ADAMTS20: variants seen among roughly 807,000 people sequenced by gnomAD.
ADAMTS20 encodes the protein ADAM metallopeptidase with thrombospondin type 1 motif 20.
A neutral mutation model predicts 260.1 loss-of-function variants in ADAMTS20; 225 were observed. The ratio of observed to expected loss-of-function variants is 0.87; its 90% CI spans 0.78 to 0.97. The LOEUF is 0.97. Ranked by LOEUF, ADAMTS20 falls within the 50% of genes least tolerant of loss-of-function variation. The pLI, the probability that ADAMTS20 is intolerant of heterozygous loss-of-function variation, is 0.00. For missense variants in ADAMTS20, 2,400 were observed against 2,337.7 expected (o/e 1.03, Z -0.55); for synonymous variants, 802 against 769.5 (o/e 1.04, Z -0.70).
In ADAMTS20 at chr12:43,468,552, G is replaced by A. The variant is rs896551393; in HGVS notation, c.1223+48C>T. 5 of 1,158,190 alleles carry A rather than the reference G, an allele frequency of 4.3e-6. No homozygotes were observed. In the African/African-American group the frequency reaches 6.2e-5, roughly 14 times the overall value. 71.7% of individuals were successfully genotyped at this position (1,158,190 alleles called of 1,614,324 possible). A position where few individuals can be genotyped will look rare whatever the true frequency, so the allele number is the denominator to read the frequency against. On this transcript the variant is annotated intron_variant, in intron 8 of 38. Transcript: ENST00000389420. ...GAAGATAGAATTTCAGGCATTCTGT[G>A]CAAAGATAAATAGAATGCACATTAA...
downstream of ADAMTS20, among the ~76,000 whole-genome samples, chr12:43,353,124 C>T (rs999986697): frequency 3.3e-5 from 5 of 151,698 alleles, no homozygotes; most frequent in South Asian, 4.2e-4. Context: ...GTCTACATGT[C>T]TTTCAAAAGT....
chr12:43,425,402 T>A, intron 28 of ADAMTS20, 112 bp downstream of exon 28: 1 of 970,790 alleles, frequency 1.0e-6, no homozygotes, highest in South Asian at 3.0e-5. Context: ...ATCTTGCACA[T>A]GTACCCCTGA....
rs868180674 is a variant in ADAMTS20 at position 43,468,976 on chromosome 12, A to T, written c.1118-271T>A. ...ACAACTTTTTAAATATTTTTAAAAA[A>T]TTTTTAAAAAGAAAAGAATATTTGC... is the stretch of plus-strand genomic sequence containing the variant. On this transcript the variant is annotated intron_variant, in intron 7 of 38. Transcript: ENST00000389420. Among the ~76,000 whole-genome samples the T allele has an allele frequency of 3.3e-4, 50 of 152,268 alleles. No individual in the cohort carries two copies. The Middle Eastern group carries it at 0.01, about 31-fold the overall frequency.
In ADAMTS20 at chr12:43,492,774, T is replaced by C; in HGVS notation, c.952-145A>G. 2.2e-5 allele frequency: 20 copies of C among 893,234 alleles called. No homozygotes were observed. The South Asian group carries it at 3.5e-4, about 15-fold the overall frequency. 55.3% of individuals were successfully genotyped at this position (893,234 alleles called of 1,614,324 possible). On this transcript the variant is annotated intron_variant, in intron 5 of 38. Transcript: ENST00000389420. ...CAGCATCTCTTCTTCATATATTAAC[T>C]ATAACGTATTTTAGCAATATCTAAA...
At chr12:43,496,545 T>C (rs1164447430) in intron 4 of ADAMTS20, among the ~76,000 whole-genome samples, 1 of 152,174 alleles carries the variant, frequency 6.6e-6, no homozygotes, top group Non-Finnish European at 1.5e-5. Flanking sequence ...AGAGAAGCCC[T>C]AGGCAGTCAG....
intron 3 of ADAMTS20, among the ~76,000 whole-genome samples, chr12:43,519,191 C>T (rs1315908938): frequency 6.6e-6 from 1 of 151,982 alleles, no homozygotes. Context: ...GAGGTGGATT[C>T]ACCATGAACC....
At chr12:43,519,976 C>CA (rs113272325) in intron 3 of ADAMTS20, among the ~76,000 whole-genome samples, 7 of 151,940 alleles carry the variant, frequency 4.6e-5, no homozygotes, top group African/African-American at 1.7e-4. Flanking sequence ...AATGCCATGG[C>CA]AAAAAAGAAA....
At chr12:43,434,401 TGAAA>T in intron 18 of ADAMTS20, 30 bp from the exon 19 acceptor site, 2 of 1,544,140 alleles carry the variant, frequency 1.3e-6, no homozygotes, top group Non-Finnish European at 1.7e-6. Flanking sequence ...AAATAAAAAA[TGAAA>T]GAAAAATTCA....
rs2137290392 is a variant in ADAMTS20, at chr12:43,422,349, G to A, written c.4284+3165C>T. Among the ~76,000 whole-genome samples, 4 of 152,044 alleles carry A rather than the reference G, an allele frequency of 2.6e-5. 1 individual carries two copies. In the South Asian group the frequency reaches 8.3e-4, roughly 31 times the overall value. On this transcript the variant is annotated intron_variant, in intron 28 of 38. Coordinates refer to ENST00000389420, the MANE Select transcript of ADAMTS20 (RefSeq NM_025003.5). ...ATTTTCTACTTAGTCAACAGGATCT[G>A]TTGAAGTTAAAGTTATCCATGAAAG... is the stretch of plus-strand genomic sequence containing the variant.
rs1941766968 is a variant in ADAMTS20 at position 43,446,669 on chromosome 12, T to C, written c.2123A>G (p.Asp708Gly). ...DHVLNSSAKI[D>G]KCGVCGGDNS... Reference sequence around the variant, plus strand: ...GTCCCCACCACACACTCCACATTTGTCTATCTTGGCACTGGAGTTTAACAC... The same window carrying C: ...GTCCCCACCACACACTCCACATTTGCCTATCTTGGCACTGGAGTTTAACAC... The change falls in exon 15 of 39, where the codon GAC becomes GGC. Residue 708 changes from aspartate (D) to glycine (G), a missense_variant. Coordinates refer to ENST00000389420, the MANE Select transcript of ADAMTS20 (RefSeq NM_025003.5). The C allele has an allele frequency of 6.2e-7, 1 of 1,613,452 alleles. No individual in the cohort carries two copies. The highest frequency in any genetic ancestry group is 8.5e-7 in the Non-Finnish European group (1 of 1,179,556).
At chr12:43,482,615 G>A (rs1010472866) in intron 7 of ADAMTS20, among the ~76,000 whole-genome samples, 1 of 152,172 alleles carries the variant, frequency 6.6e-6, no homozygotes, top group Non-Finnish European at 1.5e-5. Context: ...TGGGGCTGCT[G>A]CTTGTGCCTA....
intron 27 of ADAMTS20, 124 bp downstream of exon 27, chr12:43,427,184 A>C: frequency 8.2e-7 from 1 of 1,223,708 alleles, no homozygotes; most frequent in African/African-American, 1.6e-5. Context: ...AAAAACAAAA[A>C]AAACAAAAAT....
intron 28 of ADAMTS20, among the ~76,000 whole-genome samples, chr12:43,421,070 A>G (rs1941223827): frequency 6.6e-6 from 1 of 151,032 alleles, no homozygotes; most frequent in South Asian, 2.1e-4. Context: ...CAGCCTCCCA[A>G]AGTGCTGGGA....
chr12:43,525,475 T>C (rs1249922585), intron 3 of ADAMTS20, among the ~76,000 whole-genome samples: 2 of 152,116 alleles, frequency 1.3e-5, no homozygotes, highest in Non-Finnish European at 2.9e-5. Context: ...ACGAAAAAAG[T>C]ATCTAGGTAA....
intron 12 of ADAMTS20, 67 bp downstream of exon 12, chr12:43,453,840 G>A: frequency 6.5e-7 from 1 of 1,530,104 alleles, no homozygotes; most frequent in Non-Finnish European, 8.8e-7. Flanking sequence ...AGAAGTGAGT[G>A]AAACTGATGT....
chr12:43,364,319 A>G (rs1470023698), intron 37 of ADAMTS20, among the ~76,000 whole-genome samples: 1 of 152,188 alleles, frequency 6.6e-6, no homozygotes, highest in Non-Finnish European at 1.5e-5. Flanking sequence ...AAAATTTATG[A>G]GGCATACAAA....
At position 43,502,315 on chromosome 12, in the gene ADAMTS20, T is replaced by C. The variant is rs1018491760; in HGVS notation, c.704A>G (p.His235Arg). The C allele has an allele frequency of 1.9e-6, 3 of 1,612,376 alleles. No homozygotes were observed. Among genetic ancestry groups the C allele is most frequent in the Middle Eastern group, 1.7e-4 (1 of 6,050 alleles). Residue 235 changes from histidine (H) to arginine (R), a missense_variant, in exon 4 of 39, where the codon CAC becomes CGC. Coordinates refer to ENST00000389420, the MANE Select transcript of ADAMTS20 (RefSeq NM_025003.5). Reference sequence around the variant, plus strand: ...TTTCAATGGTACATTTTTTGATGTGTGTCCTAAAACTCTTTCTTTCATTAC... The same window carrying C: ...TTTCAATGGTACATTTTTTGATGTGCGTCCTAAAACTCTTTCTTTCATTAC... The part of the protein sequence containing the change: ...LNVMKERVLG[H>R]TSKNVPLKDE...
At chr12:43,509,123 A>G (rs552186709) in intron 3 of ADAMTS20, among the ~76,000 whole-genome samples, 1 of 152,154 alleles carries the variant, frequency 6.6e-6, no homozygotes, top group East Asian at 1.9e-4. Flanking sequence ...TCCATGGTGT[A>G]TATGTACCAT....
rs992861995 is a variant in ADAMTS20 at position 43,370,717 on chromosome 12, C to A, written c.5447-1336G>T. On this transcript the variant is annotated intron_variant, in intron 36 of 38. Coordinates refer to ENST00000389420, the MANE Select transcript of ADAMTS20 (RefSeq NM_025003.5). Reference sequence around the variant, plus strand: ...AAGCTAAATGCATTATCTTTTTCTCCAAATTTATTTGCCCTGCTCTATTTC... The same window carrying A: ...AAGCTAAATGCATTATCTTTTTCTCAAAATTTATTTGCCCTGCTCTATTTC... Among the ~76,000 whole-genome samples, 127 of 152,224 alleles carry A rather than the reference C, an allele frequency of 8.3e-4. 1 individual carries two copies. Among genetic ancestry groups the A allele is most frequent in the African/African-American group, 2.9e-3 (122 of 41,536 alleles).
Sources: allele counts gnomAD v4.1 joint callset (sites outside exome capture counted in the v4.1 genomes callset), GRCh38; gene constraint gnomAD v4.1.1; transcripts MANE v1.5; gene names NCBI Gene and HGNC (gene_info 2026-07-23, HGNC 2026-07-21).